Variants in WDR72 observed in about 807,000 individuals in gnomAD.
The protein encoded by WDR72 is WD repeat domain 72, also known as WD repeat-containing protein 72.
Under a neutral mutation model 124.2 loss-of-function variants are expected in WDR72, and 120 were observed. The ratio of observed to expected loss-of-function variants is 0.97; its 90% CI spans 0.83 to 1.12. WDR72 has a LOEUF of 1.12. Ranked by LOEUF, WDR72 falls within the 50% of genes most tolerant of loss-of-function variation. WDR72 has a pLI of 0.00. For synonymous variants in WDR72, 452 were observed against 441.7 expected, an observed-to-expected ratio of 1.02 and a Z score of -0.29; for missense variants, 1,387 against 1,278.8, an observed-to-expected ratio of 1.08 and a Z score of -1.29.
chr15:53,686,309 A>C (rs1221718376), intron 13 of WDR72, among the ~76,000 whole-genome samples: 1 of 152,172 alleles, frequency 6.6e-6, no homozygotes, highest in Non-Finnish European at 1.5e-5. Context: ...CTGTATTCAG[A>C]AGACCCATCT....
In WDR72 at chr15:53,547,236, G is replaced by A. The variant is rs143851733; in HGVS notation, c.3149-23914C>T. 8.6e-3 allele frequency among the ~76,000 whole-genome samples: 1,313 copies of A among 152,280 alleles called. 23 individuals carry two copies. Among genetic ancestry groups the A allele is most frequent in the African/African-American group, 0.03 (1,267 of 41,568 alleles). ...GAAACACCAAGTCCTGGGTTTAAGC[G>A]ATTCTCCTGCCTCAGCCTCCCGAGT... On this transcript the variant is annotated intron_variant, in intron 18 of 19. Transcript: ENST00000360509.
intron 18 of WDR72, among the ~76,000 whole-genome samples, chr15:53,533,311 T>G (rs1390405279): frequency 6.6e-6 from 1 of 152,146 alleles, no homozygotes; most frequent in African/African-American, 2.4e-5. Flanking sequence ...AGAGTATATT[T>G]GTAAAATTGC....
intron 17 of WDR72, among the ~76,000 whole-genome samples, chr15:53,598,994 C>T (rs7172762): frequency 0.14 from 20,904 of 151,768 alleles, 2,231 homozygotes; most frequent in African/African-American, 0.3. Context: ...CTTGGTGGTG[C>T]GCACCTGTAG....
intron 14 of WDR72, among the ~76,000 whole-genome samples, chr15:53,648,134 A>G (rs1366858124): frequency 6.6e-6 from 1 of 152,136 alleles, no homozygotes; most frequent in Non-Finnish European, 1.5e-5. Flanking sequence ...TGCATCCTAT[A>G]AAAATTCAAT....
chr15:53,755,203 C>T (rs1006382237), intron 1 of WDR72, among the ~76,000 whole-genome samples: 21 of 152,152 alleles, frequency 1.4e-4, no homozygotes, highest in Non-Finnish European at 2.9e-4. Context: ...GAATGAAGTC[C>T]TTCCTGTTTA....
upstream of WDR72, among the ~76,000 whole-genome samples, chr15:53,762,182 G>A (rs1306996397): frequency 6.6e-6 from 1 of 152,010 alleles, no homozygotes; most frequent in Non-Finnish European, 1.5e-5. Flanking sequence ...ATTTGGCCAG[G>A]CCCAAGTAAG....
At chr15:53,544,785 CCTT>C (rs1489821173) in intron 18 of WDR72, among the ~76,000 whole-genome samples, 1 of 151,624 alleles carries the variant, frequency 6.6e-6, no homozygotes, top group East Asian at 1.9e-4. Context: ...CCCAAAATCT[CCTT>C]AAGCTGATAA....
chr15:53,638,473 A>G (rs1174693531), intron 14 of WDR72, among the ~76,000 whole-genome samples: 3 of 152,126 alleles, frequency 2.0e-5, no homozygotes, highest in African/African-American at 7.2e-5. Flanking sequence ...TTGTTTAAAC[A>G]TGGTCCTGGA....
intron 13 of WDR72, among the ~76,000 whole-genome samples, chr15:53,675,119 C>A (rs1416758893): frequency 6.6e-6 from 1 of 152,004 alleles, no homozygotes; most frequent in East Asian, 1.9e-4. Context: ...CCGAAGCAGG[C>A]GGATCACGAG....
chr15:53,673,738 C>A (rs2016071465), intron 13 of WDR72, among the ~76,000 whole-genome samples: 1 of 152,048 alleles, frequency 6.6e-6, no homozygotes, highest in Admixed American at 6.5e-5. Context: ...ACCTGTAATC[C>A]CAGCACTTTG....
chr15:53,688,013 C>A (rs1030000593), intron 13 of WDR72, among the ~76,000 whole-genome samples: 1 of 147,086 alleles, frequency 6.8e-6, no homozygotes, highest in Admixed American at 6.8e-5. Context: ...AATTCAACAA[C>A]CCTTCATGCT....
intron 18 of WDR72, among the ~76,000 whole-genome samples, chr15:53,540,703 G>C (rs963920010): frequency 1.3e-5 from 2 of 152,136 alleles, no homozygotes; most frequent in Non-Finnish European, 2.9e-5. Context: ...CGCAGAAGAC[G>C]GGTGATTTCT....
At chr15:53,721,967 T>C (rs2017888121) in intron 3 of WDR72, among the ~76,000 whole-genome samples, 1 of 152,200 alleles carries the variant, frequency 6.6e-6, no homozygotes, top group Non-Finnish European at 1.5e-5. Flanking sequence ...CTTTTCCATC[T>C]CTCTGCCACC....
At chr15:53,610,566 T>C (rs2013495780) in intron 16 of WDR72, among the ~76,000 whole-genome samples, 1 of 144,830 alleles carries the variant, frequency 6.9e-6, no homozygotes, top group Non-Finnish European at 1.5e-5. Context: ...TATATTAACA[T>C]ATGAGGTATA....
chr15:53,727,670 G>T (rs1248508375), intron 2 of WDR72, among the ~76,000 whole-genome samples: 7 of 152,092 alleles, frequency 4.6e-5, no homozygotes, highest in Non-Finnish European at 4.4e-5. Flanking sequence ...GCCAAATTAA[G>T]CAATCAATGA....
At chr15:53,601,810 T>C (rs982209339) in intron 17 of WDR72, among the ~76,000 whole-genome samples, 3 of 152,060 alleles carry the variant, frequency 2.0e-5, no homozygotes, top group African/African-American at 4.8e-5. Flanking sequence ...TAAATATAAA[T>C]ACAACCAACA....
intron 1 of WDR72, among the ~76,000 whole-genome samples, chr15:53,754,669 G>C (rs2018855525): frequency 6.6e-6 from 1 of 151,986 alleles, no homozygotes; most frequent in African/African-American, 2.4e-5. Flanking sequence ...AAACTACCTG[G>C]TAATACCTTG....
At chr15:53,682,141 T>G (rs2016412086) in intron 13 of WDR72, among the ~76,000 whole-genome samples, 1 of 152,174 alleles carries the variant, frequency 6.6e-6, no homozygotes. Flanking sequence ...CATTTTACAA[T>G]GCACACCAGA....
intron 14 of WDR72, among the ~76,000 whole-genome samples, chr15:53,631,992 C>T (rs1333474140): frequency 6.6e-6 from 1 of 152,048 alleles, no homozygotes; most frequent in Non-Finnish European, 1.5e-5. Context: ...AAATGAAAGG[C>T]CCATTTTTCA....
Sources: allele counts gnomAD v4.1 joint callset (sites outside exome capture counted in the v4.1 genomes callset), GRCh38; gene constraint gnomAD v4.1.1; transcripts MANE v1.5; gene names NCBI Gene and HGNC (gene_info 2026-07-23, HGNC 2026-07-21).